The following PEX5L variants were observed in gnomAD, a reference collection of about 807,000 sequenced individuals.
PEX5L encodes PEX5-related protein.
In PEX5L, 30 loss-of-function variants were observed where a neutral mutation model predicts 84.0. The ratio of observed to expected loss-of-function variants is 0.36; its 90% confidence interval spans 0.27 to 0.48. PEX5L has a LOEUF of 0.48. Among genes scored for constraint, PEX5L ranks in the 20% least tolerant of loss-of-function variants. The probability of loss-of-function intolerance (pLI) is 0.99; values close to 1 mark genes in which losing one functional copy is unlikely to be tolerated. For synonymous variants in PEX5L, 270 were observed against 283.1 expected, an observed-to-expected ratio of 0.95 and a Z score of 0.46; for missense variants, 533 against 754.6, an observed-to-expected ratio of 0.71 and a Z score of 3.44.
chr3:179,929,544 G>T (rs1772425219), intron 2 of PEX5L, among the ~76,000 whole-genome samples: 1 of 149,072 alleles, frequency 6.7e-6, no homozygotes. Flanking sequence ...AATTTCATAG[G>T]ATTAAACCTT....
intron 2 of PEX5L, among the ~76,000 whole-genome samples, chr3:179,943,078 G>T (rs1448249745): frequency 6.6e-6 from 1 of 152,156 alleles, no homozygotes; most frequent in Non-Finnish European, 1.5e-5. Context: ...ACTTGCAAAA[G>T]TAATGAACTA....
chr3:179,912,611 T>A (rs1167163457), intron 2 of PEX5L, among the ~76,000 whole-genome samples: 1 of 152,078 alleles, frequency 6.6e-6, no homozygotes, highest in Non-Finnish European at 1.5e-5. Flanking sequence ...AACACTGAAT[T>A]GAAGAAAGCT....
chr3:179,994,854 G>A (rs539753236), intron 1 of PEX5L, among the ~76,000 whole-genome samples: 25 of 152,056 alleles, frequency 1.6e-4, no homozygotes, highest in Non-Finnish European at 2.8e-4. Flanking sequence ...TCTTTCTCCC[G>A]TGCTGGATGC....
intron 2 of PEX5L, among the ~76,000 whole-genome samples, chr3:179,924,769 T>C (rs1256932621): frequency 6.6e-6 from 1 of 152,184 alleles, no homozygotes; most frequent in Non-Finnish European, 1.5e-5. Flanking sequence ...CCTTATACCT[T>C]AAGTGTATTA....
intron 2 of PEX5L, among the ~76,000 whole-genome samples, chr3:179,964,853 A>G (rs1488172234): frequency 3.3e-5 from 5 of 152,226 alleles, no homozygotes; most frequent in African/African-American, 1.2e-4. Flanking sequence ...CACGCTACGT[A>G]CTTTGCTAGG....
intron 2 of PEX5L, among the ~76,000 whole-genome samples, chr3:179,947,830 C>T (rs550014351): frequency 6.6e-6 from 1 of 151,914 alleles, no homozygotes; most frequent in African/African-American, 2.4e-5. Context: ...CCTCAGCCTC[C>T]CGAGTAGCTG....
At chr3:179,916,861 A>C (rs1207857276) in intron 2 of PEX5L, among the ~76,000 whole-genome samples, 1 of 151,506 alleles carries the variant, frequency 6.6e-6, no homozygotes, top group African/African-American at 2.4e-5. Flanking sequence ...GTTGAGATGG[A>C]GTTTCACCAT....
At chr3:179,854,355 C>A (rs1417278067) in intron 8 of PEX5L, among the ~76,000 whole-genome samples, 1 of 152,014 alleles carries the variant, frequency 6.6e-6, no homozygotes, top group Non-Finnish European at 1.5e-5. Context: ...TAGGGCACTT[C>A]AGCCAAAAAC....
chr3:179,945,823 C>T (rs1777377051), intron 2 of PEX5L, among the ~76,000 whole-genome samples: 1 of 152,128 alleles, frequency 6.6e-6, no homozygotes, highest in African/African-American at 2.4e-5. Context: ...AAATTCACCT[C>T]CTTTTACTTC....
chr3:179,870,481 C>G (rs779131830), intron 7 of PEX5L, among the ~76,000 whole-genome samples: 5 of 152,164 alleles, frequency 3.3e-5, no homozygotes, highest in Non-Finnish European at 5.9e-5. Flanking sequence ...CTCCCATCTC[C>G]TTGTTGGGTG....
At chr3:180,016,975 AAG>A (rs1432872889) in intron 1 of PEX5L, among the ~76,000 whole-genome samples, 1 of 152,186 alleles carries the variant, frequency 6.6e-6, no homozygotes, top group East Asian at 1.9e-4. Flanking sequence ...TTTATGTAAA[AAG>A]AGTGAGTAAT....
intron 2 of PEX5L, among the ~76,000 whole-genome samples, chr3:179,899,690 C>T (rs1760652773): frequency 6.6e-6 from 1 of 152,066 alleles, no homozygotes; most frequent in Non-Finnish European, 1.5e-5. Flanking sequence ...TTTTGTATAG[C>T]TAATAGATTT....
intron 8 of PEX5L, among the ~76,000 whole-genome samples, chr3:179,853,602 G>C (rs1464309076): frequency 2.6e-5 from 4 of 152,118 alleles, no homozygotes; most frequent in Non-Finnish European, 5.9e-5. Context: ...TTAGGCTGCT[G>C]GCTATAAGGA....
chr3:179,861,969 A>G (rs909926566), intron 7 of PEX5L, among the ~76,000 whole-genome samples: 30 of 152,212 alleles, frequency 2.0e-4, no homozygotes, highest in African/African-American at 6.8e-4. Context: ...TGTAACAAAT[A>G]TAAACTACCA....
At chr3:179,837,066 C>T (rs910355549) in intron 8 of PEX5L, among the ~76,000 whole-genome samples, 7 of 152,034 alleles carry the variant, frequency 4.6e-5, no homozygotes, top group African/African-American at 1.4e-4. Context: ...AGATTGTATT[C>T]CTATTCATTT....
chr3:179,921,747 C>G (rs927338340), intron 2 of PEX5L: 1 of 152,286 alleles, frequency 6.6e-6, no homozygotes, highest in African/African-American at 2.4e-5. Context: ...TGCAGTCCAT[C>G]TGGGCCTCTA....
At chr3:179,865,880 G>A (rs1747948803) in intron 7 of PEX5L, among the ~76,000 whole-genome samples, 1 of 152,114 alleles carries the variant, frequency 6.6e-6, no homozygotes, top group South Asian at 2.1e-4. Context: ...TCTAGATATT[G>A]GCATTATGTG....
chr3:179,823,742 G>C lies in PEX5L; in HGVS notation c.823-3766C>G, dbSNP rs544627984. Among the ~76,000 whole-genome samples, 4 of 152,280 alleles carry C rather than the reference G, an allele frequency of 2.6e-5. No individual in the cohort carries two copies. The South Asian group carries it at 8.3e-4, about 32-fold the overall frequency. On this transcript the variant is annotated intron_variant, in intron 8 of 14. Transcript: ENST00000467460. ...TTTGAAAGAAGAAAGATGTGTGCTTGAATTTGAGCAAGTCACTTTAACTCA... is the reference window on the plus strand; with the variant it reads ...TTTGAAAGAAGAAAGATGTGTGCTTCAATTTGAGCAAGTCACTTTAACTCA...
chr3:179,874,738 G>GTTTTTTTTTTTTTTTTTTTTTTTTT (rs3836472), intron 6 of PEX5L, among the ~76,000 whole-genome samples: 5 of 45,992 alleles, frequency 1.1e-4, no homozygotes, highest in South Asian at 1.1e-3. Context: ...TTTTTTTTTT[G>GTTTTTTTTTTTTTTTTTTTTTTTTT]TTTTTTTTTT....
Sources: gnomAD v4.1 joint callset for allele counts (sites outside exome capture counted in the v4.1 genomes callset) on GRCh38, gnomAD v4.1.1 for gene constraint, MANE v1.5 for transcripts, NCBI Gene and HGNC (gene_info 2026-07-23, HGNC 2026-07-21) for gene names.